TG: variants seen among roughly 807,000 people sequenced by gnomAD.
TG encodes thyroglobulin.
In TG, 270 loss-of-function variants were observed where a neutral mutation model predicts 324.7. The observed-to-expected ratio is 0.83, with a 90% CI of 0.75 to 0.92. The LOEUF (loss-of-function observed/expected upper bound fraction) is 0.92. TG is among the 40% of genes least tolerant of loss of function. The pLI is 0.00. For synonymous variants in TG, 1,401 were observed against 1,327.0 expected, an observed-to-expected ratio of 1.06 and a Z score of -1.21; for missense variants, 3,591 against 3,456.4, an observed-to-expected ratio of 1.04 and a Z score of -0.98.
intron 41 of TG, chr8:133,044,850 A>T: frequency 1.2e-6 from 1 of 833,232 alleles, no homozygotes; most frequent in Non-Finnish European, 2.0e-6. Flanking sequence ...AGTCTGAATT[A>T]ACGAGAGAGC....
At chr8:133,055,173 G>A (rs1418686749) in intron 41 of TG, among the ~76,000 whole-genome samples, 1 of 152,088 alleles carries the variant, frequency 6.6e-6, no homozygotes, top group Non-Finnish European at 1.5e-5. Flanking sequence ...GGAGACAAAG[G>A]CAGACTCCAG....
intron 5 of TG, among the ~76,000 whole-genome samples, chr8:132,873,896 C>T (rs1157593856): frequency 3.9e-5 from 6 of 152,252 alleles, no homozygotes; most frequent in East Asian, 3.9e-4. Flanking sequence ...GAAGGCCGGG[C>T]GCAGTGGCTC....
chr8:133,057,108 G>T, intron 41 of TG, among the ~76,000 whole-genome samples: 1 of 147,594 alleles, frequency 6.8e-6, no homozygotes, highest in Admixed American at 6.8e-5. Context: ...TCTTTCCACT[G>T]GGCAACTATG....
chr8:133,019,815 G>T (rs1835395784), intron 39 of TG, 120 bp downstream of exon 39: 16 of 820,814 alleles, frequency 1.9e-5, no homozygotes, highest in Middle Eastern at 4.6e-4. Context: ...CTGAGGTTAG[G>T]TGATTTGCCT....
chr8:133,056,482 A>T (rs923696083), intron 41 of TG, among the ~76,000 whole-genome samples: 2 of 152,180 alleles, frequency 1.3e-5, no homozygotes, highest in African/African-American at 4.8e-5. Flanking sequence ...CTTCCAGAGC[A>T]TGGGGGCTTC....
At chr8:132,913,569 G>A (rs1299967214) in intron 20 of TG, among the ~76,000 whole-genome samples, 1 of 152,098 alleles carries the variant, frequency 6.6e-6, no homozygotes, top group Non-Finnish European at 1.5e-5. Context: ...TATCCTGGGC[G>A]CACATTTCTC....
chr8:132,896,358 G>GA (rs1264819967), intron 11 of TG, among the ~76,000 whole-genome samples: 1 of 152,198 alleles, frequency 6.6e-6, no homozygotes, highest in East Asian at 1.9e-4. Flanking sequence ...GATGGGCTCT[G>GA]ACTGTGAGTT....
chr8:133,094,818 CA>C, intron 41 of TG: 1 of 624,394 alleles, frequency 1.6e-6, no homozygotes, highest in Non-Finnish European at 2.9e-6. Flanking sequence ...CCTCACTTCA[CA>C]GGTTAGGAAA....
intron 8 of TG, among the ~76,000 whole-genome samples, chr8:132,884,972 G>T (rs182185837): frequency 2.0e-5 from 3 of 152,318 alleles, no homozygotes; most frequent in African/African-American, 7.2e-5. Context: ...AAGAGGCCAT[G>T]GCCTCGTTGA....
In TG at chr8:132,908,256, C is replaced by T; in HGVS notation, c.3918C>T (p.Cys1306=). 1 of 1,613,980 alleles carries T rather than the reference C, an allele frequency of 6.2e-7. No individual in the cohort carries two copies. Among genetic ancestry groups the T allele is most frequent in the Non-Finnish European group, 8.5e-7 (1 of 1,179,968 alleles). The change falls in exon 18 of 48, where the codon TGC becomes TGT. Residue 1306 remains cysteine (C), a synonymous_variant. Coordinates refer to ENST00000220616, the MANE Select transcript of TG (RefSeq NM_003235.5). ...TCCAGCTCCCGCCGGGCAAGATGTGCAGTGCTGACTACGCGGATTTGCTGC... is the reference window on the plus strand; with the variant it reads ...TCCAGCTCCCGCCGGGCAAGATGTGTAGTGCTGACTACGCGGATTTGCTGC... ...FQLQLPPGKM[C]SADYADLLQT...
At chr8:133,105,054 C>G (rs1004605793) in intron 43 of TG, among the ~76,000 whole-genome samples, 1 of 152,164 alleles carries the variant, frequency 6.6e-6, no homozygotes, top group Non-Finnish European at 1.5e-5. Flanking sequence ...AATTCTGGAG[C>G]ATTTGTGTAT....
chr8:133,105,342 G>A (rs1431385673), intron 43 of TG, among the ~76,000 whole-genome samples: 1 of 152,172 alleles, frequency 6.6e-6, no homozygotes, highest in Non-Finnish European at 1.5e-5. Flanking sequence ...CAGCAGTAGG[G>A]GTGGACCGGA....
At chr8:132,963,148 A>T (rs1205650351) in intron 29 of TG, 74 bp downstream of exon 29, 3 of 1,360,008 alleles carry the variant, frequency 2.2e-6, no homozygotes, top group Non-Finnish European at 3.2e-6. Flanking sequence ...CAAGAGTTTA[A>T]TCAATGAACG....
chr8:132,920,166 G>A (rs892724874), intron 21 of TG, among the ~76,000 whole-genome samples: 2 of 152,186 alleles, frequency 1.3e-5, no homozygotes, highest in African/African-American at 4.8e-5. Context: ...AGGACTGTAT[G>A]TATGGGTGGC....
At chr8:133,036,422 G>A (rs1402719114) in intron 41 of TG, among the ~76,000 whole-genome samples, 1 of 152,196 alleles carries the variant, frequency 6.6e-6, no homozygotes, top group Non-Finnish European at 1.5e-5. Context: ...AACAAATAGC[G>A]CAGCTATCAC....
At chr8:132,949,854 G>A (rs1213909588) in intron 27 of TG, among the ~76,000 whole-genome samples, 1 of 152,180 alleles carries the variant, frequency 6.6e-6, no homozygotes, top group East Asian at 1.9e-4. Flanking sequence ...CACCTTCACA[G>A]CCCTGCACTG....
chr8:133,067,978 C>T (rs976493941), intron 41 of TG, among the ~76,000 whole-genome samples: 27 of 151,946 alleles, frequency 1.8e-4, no homozygotes, highest in Admixed American at 6.5e-4. Context: ...GAAGGATTCC[C>T]TAGAAGCTCA....
At chr8:133,021,790 C>T (rs1342567161) in intron 39 of TG, among the ~76,000 whole-genome samples, 1 of 152,166 alleles carries the variant, frequency 6.6e-6, no homozygotes, top group African/African-American at 2.4e-5. Flanking sequence ...GACACTATCT[C>T]CAAATACAGT....
intron 41 of TG, chr8:133,094,820 G>A: frequency 1.6e-6 from 1 of 633,078 alleles, no homozygotes; most frequent in South Asian, 1.8e-5. Flanking sequence ...TCACTTCACA[G>A]GTTAGGAAAC....
Sources: gnomAD v4.1 joint callset for allele counts (sites outside exome capture counted in the v4.1 genomes callset) on GRCh38, gnomAD v4.1.1 for gene constraint, MANE v1.5 for transcripts, NCBI Gene and HGNC (gene_info 2026-07-23, HGNC 2026-07-21) for gene names.